The following PTPRD variants were observed in gnomAD, a reference collection of about 807,000 sequenced individuals.
PTPRD encodes the protein receptor-type tyrosine-protein phosphatase delta.
A neutral mutation model predicts 214.5 loss-of-function variants in PTPRD; 34 were observed. That is an observed-to-expected ratio of 0.16 (90% CI 0.12 to 0.21). The LOEUF is 0.21. Ranked by LOEUF, PTPRD falls within the 10% of genes least tolerant of loss-of-function variation. PTPRD has a pLI of 1.00. For synonymous variants in PTPRD, 1,128 were observed against 845.7 expected, an observed-to-expected ratio of 1.33 and a Z score of -5.79; for missense variants, 2,545 against 2,398.7, an observed-to-expected ratio of 1.06 and a Z score of -1.27.
At chr9:9,179,325 C>T (rs1244308636) in intron 10 of PTPRD, among the ~76,000 whole-genome samples, 1 of 151,970 alleles carries the variant, frequency 6.6e-6, no homozygotes, top group East Asian at 1.9e-4. Context: ...CTATAGAACC[C>T]ACAGTATTGT....
chr9:8,358,647 CTT>C (rs887982245), intron 39 of PTPRD, among the ~76,000 whole-genome samples: 1 of 152,060 alleles, frequency 6.6e-6, no homozygotes, highest in Admixed American at 6.5e-5. Flanking sequence ...TTTCAGTACT[CTT>C]TTTTCTATGA....
At chr9:9,187,284 C>A (rs2131655870) in intron 9 of PTPRD, among the ~76,000 whole-genome samples, 1 of 152,088 alleles carries the variant, frequency 6.6e-6, no homozygotes, top group African/African-American at 2.4e-5. Flanking sequence ...AGCTTTCATT[C>A]TCTTTCATTT....
chr9:9,327,344 C>T (rs1459033444), intron 9 of PTPRD, among the ~76,000 whole-genome samples: 2 of 152,152 alleles, frequency 1.3e-5, no homozygotes, highest in Non-Finnish European at 2.9e-5. Context: ...ATTAAATATG[C>T]TTCCCATAGT....
At chr9:10,536,696 T>A (rs1007231070) in intron 2 of PTPRD, among the ~76,000 whole-genome samples, 3 of 152,072 alleles carry the variant, frequency 2.0e-5, no homozygotes, top group African/African-American at 7.2e-5. Flanking sequence ...CAGAATGCAT[T>A]GCTTGTATAA....
intron 10 of PTPRD, among the ~76,000 whole-genome samples, chr9:9,043,370 G>A (rs1308611952): frequency 2.6e-5 from 4 of 152,102 alleles, no homozygotes; most frequent in African/African-American, 9.7e-5. Context: ...CCACCTACCT[G>A]TAGATAGGTG....
At chr9:10,203,526 A>T (rs2099444305) in intron 3 of PTPRD, among the ~76,000 whole-genome samples, 1 of 152,130 alleles carries the variant, frequency 6.6e-6, no homozygotes, top group African/African-American at 2.4e-5. Context: ...TAAAAGATTT[A>T]TCAGTAATTC....
chr9:9,705,835 T>G (rs1260394336), intron 7 of PTPRD, among the ~76,000 whole-genome samples: 1 of 152,138 alleles, frequency 6.6e-6, no homozygotes, highest in Non-Finnish European at 1.5e-5. Context: ...TCTATGACAT[T>G]AATATTTACT....
rs573084570 is a variant in PTPRD at position 8,428,618 on chromosome 9, T to C, written c.4086+7974A>G. Among the ~76,000 whole-genome samples the C allele has an allele frequency of 1.1e-4, 16 of 152,186 alleles. No homozygotes were observed. In the East Asian group the frequency reaches 2.5e-3, roughly 24 times the overall value. On this transcript the variant is annotated intron_variant, in intron 35 of 45. Coordinates refer to ENST00000381196, the MANE Select transcript of PTPRD (RefSeq NM_002839.4). ...CCACCACTTCCTTCCTTCAAGAAAG[T>C]GGGGGAACCACCTTCAAGAAAAAAT...
At chr9:8,736,130 T>A (rs563291555) in intron 11 of PTPRD, among the ~76,000 whole-genome samples, 7 of 152,242 alleles carry the variant, frequency 4.6e-5, no homozygotes, top group African/African-American at 1.7e-4. Context: ...AGCAAGAGTT[T>A]CAGGTGAGAA....
At chr9:9,833,684 G>C (rs182095752) in intron 5 of PTPRD, among the ~76,000 whole-genome samples, 9 of 144,980 alleles carry the variant, frequency 6.2e-5, no homozygotes, top group South Asian at 2.2e-4. Context: ...GCTCCGGAGA[G>C]GGGGGCAGTT....
At chr9:8,376,197 T>G (rs1281300334) in intron 38 of PTPRD, 107 bp from the exon 39 acceptor site, 1 of 1,271,826 alleles carries the variant, frequency 7.9e-7, no homozygotes, top group African/African-American at 1.5e-5. Flanking sequence ...AATTCCTTTC[T>G]ACCACCCTGT....
At chr9:9,806,210 T>C (rs1598362330) in intron 5 of PTPRD, among the ~76,000 whole-genome samples, 1 of 151,920 alleles carries the variant, frequency 6.6e-6, no homozygotes, top group African/African-American at 2.4e-5. Flanking sequence ...CAGGCAACCA[T>C]CAGAAGATGG....
At chr9:8,335,610 C>G (rs1845855838) in intron 43 of PTPRD, among the ~76,000 whole-genome samples, 1 of 152,182 alleles carries the variant, frequency 6.6e-6, no homozygotes, top group Non-Finnish European at 1.5e-5. Context: ...TCTCACCACT[C>G]CTATTCAACA....
At chr9:8,361,322 AG>A (rs1394357125) in intron 39 of PTPRD, among the ~76,000 whole-genome samples, 1 of 152,224 alleles carries the variant, frequency 6.6e-6, no homozygotes, top group African/African-American at 2.4e-5. Flanking sequence ...CCTAATTAAA[AG>A]TAAAGGTGCT....
At chr9:10,577,775 C>T (rs10756063) in intron 2 of PTPRD, among the ~76,000 whole-genome samples, 37,940 of 151,996 alleles carry the variant, frequency 0.25, 4,919 homozygotes, top group East Asian at 0.35. Context: ...AACTTACACA[C>T]ATAAAACACA....
chr9:9,220,575 T>A (rs140455881), intron 9 of PTPRD, among the ~76,000 whole-genome samples: 6 of 152,188 alleles, frequency 3.9e-5, no homozygotes, highest in African/African-American at 1.4e-4. Flanking sequence ...CATGATATAA[T>A]AGCACATCTT....
At chr9:10,149,457 A>C (rs2099045615) in intron 3 of PTPRD, among the ~76,000 whole-genome samples, 3 of 152,148 alleles carry the variant, frequency 2.0e-5, no homozygotes, top group African/African-American at 7.2e-5. Context: ...GTGTCCTTAC[A>C]TGACAAGAGT....
intron 39 of PTPRD, among the ~76,000 whole-genome samples, chr9:8,352,743 C>T (rs2075862653): frequency 6.6e-6 from 1 of 152,198 alleles, no homozygotes; most frequent in South Asian, 2.1e-4. Flanking sequence ...GTTTGTAAGG[C>T]ATATCATTTT....
intron 11 of PTPRD, among the ~76,000 whole-genome samples, chr9:8,866,630 A>G (rs760504556): frequency 7.2e-5 from 11 of 152,170 alleles, no homozygotes; most frequent in South Asian, 2.1e-4. Flanking sequence ...CCATTTTTCC[A>G]TTCTAATCTT....
Sources: gnomAD v4.1 joint callset for allele counts (sites outside exome capture counted in the v4.1 genomes callset) on GRCh38, gnomAD v4.1.1 for gene constraint, MANE v1.5 for transcripts, NCBI Gene and HGNC (gene_info 2026-07-23, HGNC 2026-07-21) for gene names.